PTPRN2: variants seen among roughly 807,000 people sequenced by gnomAD.
The protein encoded by PTPRN2 is receptor-type tyrosine-protein phosphatase N2.
In PTPRN2, 74 loss-of-function variants were observed where a neutral mutation model predicts 118.8. That is an observed-to-expected ratio of 0.62 (90% CI 0.52 to 0.76). The LOEUF is 0.76. PTPRN2 is among the 30% of genes least tolerant of loss of function. PTPRN2 has a pLI of 0.00. For synonymous variants in PTPRN2, 641 were observed against 608.0 expected, an observed-to-expected ratio of 1.05 and a Z score of -0.80; for missense variants, 1,481 against 1,394.4, an observed-to-expected ratio of 1.06 and a Z score of -0.99.
intron 5 of PTPRN2, among the ~76,000 whole-genome samples, chr7:158,191,782 C>T (rs1420722317): frequency 6.6e-6 from 1 of 152,138 alleles, no homozygotes; most frequent in Admixed American, 6.5e-5. Flanking sequence ...CCCAGGGCAT[C>T]ACCTTGTGTT....
chr7:158,355,871 G>A (rs1024104489), intron 2 of PTPRN2, among the ~76,000 whole-genome samples: 2 of 152,208 alleles, frequency 1.3e-5, no homozygotes, highest in African/African-American at 4.8e-5. Context: ...TGGGGATGCG[G>A]GAAGGCTGTT....
chr7:157,915,705 A>G (rs79842811), intron 11 of PTPRN2, among the ~76,000 whole-genome samples: 2,024 of 152,178 alleles, frequency 0.013, 43 homozygotes, highest in African/African-American at 0.046. Context: ...CGGTGTGGAG[A>G]AGATTCTCAG....
chr7:158,505,426 T>C (rs1275812771), intron 1 of PTPRN2, among the ~76,000 whole-genome samples: 1 of 152,086 alleles, frequency 6.6e-6, no homozygotes, highest in African/African-American at 2.4e-5. Context: ...CCATTCCTTC[T>C]CTACAAAGGT....
intron 2 of PTPRN2, among the ~76,000 whole-genome samples, chr7:158,439,981 A>G (rs890204877): frequency 3.9e-5 from 6 of 152,238 alleles, no homozygotes; most frequent in African/African-American, 1.2e-4. Context: ...AGGCATCTGC[A>G]TTTCCTATCA....
chr7:157,653,795 C>A (rs1002331723), intron 14 of PTPRN2, among the ~76,000 whole-genome samples: 1 of 151,224 alleles, frequency 6.6e-6, no homozygotes, highest in Non-Finnish European at 1.5e-5. Flanking sequence ...CCACACGATG[C>A]CCGCTGCTCC....
chr7:158,528,825 C>T (rs980468945), intron 1 of PTPRN2, among the ~76,000 whole-genome samples: 2 of 149,112 alleles, frequency 1.3e-5, no homozygotes, highest in African/African-American at 5.0e-5. Flanking sequence ...AAAAAAAGAA[C>T]TGTGCACGAT....
intron 12 of PTPRN2, 38 bp from the exon 13 acceptor site, chr7:157,682,975 CA>C (rs1796985414): frequency 1.3e-6 from 2 of 1,507,780 alleles, no homozygotes; most frequent in Non-Finnish European, 1.8e-6. Flanking sequence ...TAGCTCCTGA[CA>C]AAGCATGACC....
At chr7:158,386,333 CCTT>C (rs1811366266) in intron 2 of PTPRN2, among the ~76,000 whole-genome samples, 1 of 141,532 alleles carries the variant, frequency 7.1e-6, no homozygotes, top group South Asian at 2.4e-4. Context: ...CCGAGTCCCT[CCTT>C]CTGTACCCCT....
chr7:158,528,853 A>T (rs1264685298), intron 1 of PTPRN2, among the ~76,000 whole-genome samples: 3 of 151,848 alleles, frequency 2.0e-5, no homozygotes, highest in African/African-American at 7.3e-5. Flanking sequence ...GGCCTCGGTG[A>T]GTCCACAACA....
chr7:158,568,084 A>C (rs1827767657), intron 1 of PTPRN2, among the ~76,000 whole-genome samples: 1 of 152,094 alleles, frequency 6.6e-6, no homozygotes, highest in Non-Finnish European at 1.5e-5. Context: ...GAAACCTCGT[A>C]TCTACTAAAA....
Position 158,467,951 on chromosome 7 carries a change from C to A in PTPRN2, c.163+21784G>T, listed in dbSNP as rs545102477. On this transcript the variant is annotated intron_variant, in intron 2 of 22. Transcript: ENST00000389418. ...TTGCTTTCACCGCCACCCATTTACC[C>A]TGTGCTACTTTACAGTAGCTAGTCT... Among the ~76,000 whole-genome samples, 5 of 152,282 alleles carry A rather than the reference C, an allele frequency of 3.3e-5. 1 individual carries two copies. Among genetic ancestry groups the A allele is most frequent in the African/African-American group, 9.6e-5 (4 of 41,554 alleles).
chr7:157,949,042 G>A (rs1465067700), intron 11 of PTPRN2, among the ~76,000 whole-genome samples: 1 of 152,146 alleles, frequency 6.6e-6, no homozygotes, highest in Non-Finnish European at 1.5e-5. Flanking sequence ...ATTGCAGGGG[G>A]CGGGTGTCTT....
intron 12 of PTPRN2, chr7:157,740,226 A>G (rs1196284807): frequency 6.6e-6 from 1 of 152,368 alleles, no homozygotes; most frequent in East Asian, 1.9e-4. Flanking sequence ...TTATGTATAC[A>G]TTGTTAAATT....
chr7:158,082,640 C>G (rs1023492129), intron 10 of PTPRN2, among the ~76,000 whole-genome samples: 1 of 152,244 alleles, frequency 6.6e-6, no homozygotes, highest in African/African-American at 2.4e-5. Flanking sequence ...AAACAGCATT[C>G]TAACCTTACG....
At chr7:157,737,430 A>G (rs752595638) in intron 12 of PTPRN2, among the ~76,000 whole-genome samples, 5 of 152,246 alleles carry the variant, frequency 3.3e-5, no homozygotes, top group Admixed American at 6.5e-5. Context: ...TGAGCCCTAC[A>G]TGCAGGAGCA....
intron 1 of PTPRN2, among the ~76,000 whole-genome samples, chr7:158,498,565 A>C (rs1187654968): frequency 2.6e-5 from 4 of 152,194 alleles, no homozygotes; most frequent in Non-Finnish European, 5.9e-5. Context: ...TTGGTTTTTA[A>C]TCGGCTCTGG....
chr7:158,499,075 T>C (rs1822165092), intron 1 of PTPRN2, among the ~76,000 whole-genome samples: 2 of 152,190 alleles, frequency 1.3e-5, no homozygotes, highest in South Asian at 4.1e-4. Flanking sequence ...CAGTTCATAG[T>C]TTCTCAGTCA....
intron 5 of PTPRN2, among the ~76,000 whole-genome samples, chr7:158,184,411 G>T (rs141267863): frequency 9.7e-4 from 147 of 152,228 alleles, no homozygotes; most frequent in African/African-American, 3.4e-3. Flanking sequence ...CTAGTATACA[G>T]AAATAAATTA....
At position 157,721,934 on chromosome 7, in the gene PTPRN2, C is replaced by A. The variant is rs78259487; in HGVS notation, c.1789-38997G>T. 3.9e-5 allele frequency among the ~76,000 whole-genome samples: 6 copies of A among 152,360 alleles called. No homozygotes were observed. In the East Asian group the frequency reaches 9.6e-4, roughly 25 times the overall value. On this transcript the variant is annotated intron_variant, in intron 12 of 22. Coordinates refer to ENST00000389418, the MANE Select transcript of PTPRN2 (RefSeq NM_002847.5). ...GGGTTAAGGGATATGTGTCTTCAAA[C>A]GAGAACACTTCATTCAACAGACTTT...
Sources: allele counts gnomAD v4.1 joint callset (sites outside exome capture counted in the v4.1 genomes callset), GRCh38; gene constraint gnomAD v4.1.1; transcripts MANE v1.5; gene names NCBI Gene and HGNC (gene_info 2026-07-23, HGNC 2026-07-21).